SDF2: variants seen among roughly 807,000 people sequenced by gnomAD.
SDF2 encodes the protein stromal cell-derived factor 2.
In SDF2, 12 loss-of-function variants were observed where a neutral mutation model predicts 20.5. The observed-to-expected ratio is 0.58, with a 90% CI of 0.37 to 0.95. The LOEUF (loss-of-function observed/expected upper bound fraction) is 0.95. Among genes scored for constraint, SDF2 ranks in the 40% least tolerant of loss-of-function variants. SDF2 has a pLI of 0.01. For missense variants in SDF2, 238 were observed against 263.1 expected (o/e 0.90, Z 0.66); for synonymous variants, 100 against 101.0 (o/e 0.99, Z 0.06).
At chr17:28,654,209 G>A (rs1216533910) in intron 2 of SDF2, among the ~76,000 whole-genome samples, 1 of 151,978 alleles carries the variant, frequency 6.6e-6, no homozygotes, top group East Asian at 1.9e-4. Context: ...GGCTGAGGTG[G>A]GAGAATTGCT....
intron 1 of SDF2, among the ~76,000 whole-genome samples, chr17:28,657,151 C>T (rs531660702): frequency 6.6e-5 from 10 of 151,916 alleles, no homozygotes; most frequent in African/African-American, 1.5e-4. Context: ...TGCTTGCATC[C>T]GGGAGGCGGA....
At chr17:28,653,199 A>C (rs2071929211) in intron 2 of SDF2, among the ~76,000 whole-genome samples, 1 of 152,230 alleles carries the variant, frequency 6.6e-6, no homozygotes, top group Non-Finnish European at 1.5e-5. Context: ...ACGAACAAAC[A>C]CTACTTCAGC....
upstream of SDF2, chr17:28,661,966 A>T: frequency 6.9e-7 from 1 of 1,447,790 alleles, no homozygotes; most frequent in South Asian, 1.2e-5. Flanking sequence ...GGAGAGAAGG[A>T]AGTGAAGAAG....
chr17:28,654,387 A>G (rs1472724047), intron 2 of SDF2, among the ~76,000 whole-genome samples: 1 of 151,788 alleles, frequency 6.6e-6, no homozygotes, highest in African/African-American at 2.4e-5. Context: ...GTTGGAAAAC[A>G]TTGGGTTTCT....
intron 2 of SDF2, among the ~76,000 whole-genome samples, chr17:28,652,342 G>GC (rs2071921877): frequency 6.6e-6 from 1 of 151,220 alleles, no homozygotes; most frequent in Non-Finnish European, 1.5e-5. Context: ...ACAGAGTCTC[G>GC]CCCTGTCACC....
At chr17:28,652,949 G>A (rs577944129) in intron 2 of SDF2, among the ~76,000 whole-genome samples, 3 of 152,188 alleles carry the variant, frequency 2.0e-5, no homozygotes, top group Non-Finnish European at 4.4e-5. Context: ...AGATTATAAC[G>A]AAGTATAAAC....
rs904328841 is a variant in SDF2 at position 28,653,769 on chromosome 17, G to A, written c.348+1518C>T. ...GGAGGTTGCAGTGAGCTGAGATCGC[G>A]CCATAGCACTCCAGCCTGGGACAGA... On this transcript the variant is annotated intron_variant, in intron 2 of 2. Coordinates refer to ENST00000247020, the MANE Select transcript of SDF2 (RefSeq NM_006923.4). Among the ~76,000 whole-genome samples, 12 of 151,954 alleles carry A rather than the reference G, an allele frequency of 7.9e-5. 1 individual carries two copies. The highest frequency in any genetic ancestry group is 4.1e-4 in the South Asian group (2 of 4,822).
intron 1 of SDF2, among the ~76,000 whole-genome samples, chr17:28,657,560 G>A (rs1055256875): frequency 6.6e-6 from 1 of 151,972 alleles, no homozygotes; most frequent in Admixed American, 6.6e-5. Context: ...ACCACACCTG[G>A]CTAATTTTTC....
chr17:28,657,422 A>G (rs2071973911), intron 1 of SDF2, among the ~76,000 whole-genome samples: 1 of 151,202 alleles, frequency 6.6e-6, no homozygotes, highest in Non-Finnish European at 1.5e-5. Flanking sequence ...TTTTTGATAC[A>G]GGATCCCTCT....
At chr17:28,657,770 T>C (rs1597671909) in intron 1 of SDF2, 1 of 152,234 alleles carries the variant, frequency 6.6e-6, no homozygotes, top group African/African-American at 2.4e-5. Context: ...TCCCAGCACT[T>C]TGGGAGGTCA....
chr17:28,656,862 A>C lies in SDF2; in HGVS notation c.152-1379T>G, dbSNP rs554423688. Reference sequence around the variant, plus strand: ...ATAAAAATTTTTGTATTTCACAATTAAAATGAGACTATGTTGCCAACTTTA... The same window carrying C: ...ATAAAAATTTTTGTATTTCACAATTCAAATGAGACTATGTTGCCAACTTTA... On this transcript the variant is annotated intron_variant, in intron 1 of 2. Coordinates refer to ENST00000247020, the MANE Select transcript of SDF2 (RefSeq NM_006923.4). Among the ~76,000 whole-genome samples, 6 of 152,364 alleles carry C rather than the reference A, an allele frequency of 3.9e-5. No homozygotes were observed. The South Asian group carries it at 1.2e-3, about 32-fold the overall frequency.
chr17:28,652,030 G>A (rs2151581358), intron 2 of SDF2, among the ~76,000 whole-genome samples: 1 of 152,198 alleles, frequency 6.6e-6, no homozygotes, highest in East Asian at 1.9e-4. Flanking sequence ...CACTAGCCAG[G>A]CACAGTGGGG....
intron 1 of SDF2, among the ~76,000 whole-genome samples, chr17:28,659,325 G>GTGA (rs2071999097): frequency 6.8e-6 from 1 of 147,682 alleles, no homozygotes; most frequent in African/African-American, 2.5e-5. Flanking sequence ...CCCAGACAGG[G>GTGA]CGGCCGGGCA....
chr17:28,655,150 A>C (rs996294056), intron 2 of SDF2, 137 bp downstream of exon 2: 2 of 826,296 alleles, frequency 2.4e-6, no homozygotes, highest in Non-Finnish European at 3.8e-6. Flanking sequence ...AAACCCACAC[A>C]AAAATAGAGC....
chr17:28,649,113 C>T lies in SDF2; in HGVS notation c.512G>A (p.Ser171Asn). Reference sequence around the variant, plus strand: ...CATGCCATGCACCTCTTTTTGCCCACTGATAGGTCGACCATATTGTTCTCC... The same window carrying T: ...CATGCCATGCACCTCTTTTTGCCCATTGATAGGTCGACCATATTGTTCTCC... ...VTGEQYGRPISGQKEVHGMAQ... is the reference protein window; with the variant it reads ...VTGEQYGRPINGQKEVHGMAQ... Residue 171 changes from serine to asparagine, a missense_variant, in exon 3 of 3, where the codon AGT becomes AAT. By Grantham distance (46) the Ser-to-Asn change is conservative (BLOSUM62 1). Coordinates refer to ENST00000247020, the MANE Select transcript of SDF2 (RefSeq NM_006923.4). 2 of 1,614,236 alleles carry T rather than the reference C, an allele frequency of 1.2e-6. No homozygotes were observed. The highest frequency in any genetic ancestry group is 1.1e-5 in the South Asian group (1 of 91,088).
Position 28,649,116 on chromosome 17 carries a change from A to G in SDF2, c.509T>C (p.Ile170Thr), listed in dbSNP as rs2071890194. 14 of 1,614,196 alleles carry G rather than the reference A, an allele frequency of 8.7e-6. No homozygotes were observed. Among genetic ancestry groups the G allele is most frequent in the Non-Finnish European group, 1.1e-5 (13 of 1,180,040 alleles). ...GCCATGCACCTCTTTTTGCCCACTG[A>G]TAGGTCGACCATATTGTTCTCCTGT... is the stretch of plus-strand genomic sequence containing the variant. ...SVTGEQYGRPISGQKEVHGMA... is the reference protein window; with the variant it reads ...SVTGEQYGRPTSGQKEVHGMA... The change falls in exon 3 of 3, where the codon ATC becomes ACC. Residue 170 changes from isoleucine to threonine, a missense_variant. Coordinates refer to ENST00000247020, the MANE Select transcript of SDF2 (RefSeq NM_006923.4).
rs2071906874 is a variant in SDF2, at chr17:28,650,749, G to A, written c.349-1473C>T. Among the ~76,000 whole-genome samples the A allele has an allele frequency of 2.1e-5, 3 of 139,860 alleles. No homozygotes were observed. The South Asian group carries it at 7.3e-4, about 34-fold the overall frequency. 91.8% of individuals were successfully genotyped at this position (139,860 alleles called of 152,430 possible). A position where few individuals can be genotyped will look rare whatever the true frequency, so the allele number is the denominator to read the frequency against. On this transcript the variant is annotated intron_variant, in intron 2 of 2. Coordinates refer to ENST00000247020, the MANE Select transcript of SDF2 (RefSeq NM_006923.4). ...TGCCGTGAGCCGAAGGTTGCAGTGA[G>A]CCGAGATTGCACCACTGGACTCCAG...
At chr17:28,656,828 A>G (rs1244954937) in intron 1 of SDF2, among the ~76,000 whole-genome samples, 2 of 152,194 alleles carry the variant, frequency 1.3e-5, no homozygotes, top group Non-Finnish European at 2.9e-5. Context: ...ATGTTCATTA[A>G]CTATTATGAT....
intron 1 of SDF2, 49 bp from the exon 2 acceptor site, chr17:28,655,532 A>G (rs1165126260): frequency 2.0e-6 from 3 of 1,490,428 alleles, no homozygotes; most frequent in Non-Finnish European, 1.8e-6. Context: ...CATGGACAAC[A>G]TGCTCAGAGA....
Sources: gnomAD v4.1 joint callset for allele counts (sites outside exome capture counted in the v4.1 genomes callset) on GRCh38, gnomAD v4.1.1 for gene constraint, MANE v1.5 for transcripts, NCBI Gene and HGNC (gene_info 2026-07-23, HGNC 2026-07-21) for gene names.